Variants in RNF24 observed in about 807,000 individuals in gnomAD.
RNF24 encodes the protein ring finger protein 24.
RNF24 carries 14 observed loss-of-function variants against 20.0 expected under a neutral mutation model. The observed-to-expected ratio is 0.70, with a 90% CI of 0.46 to 1.10. RNF24 has a LOEUF of 1.10. Ranked by LOEUF, RNF24 falls within the 50% of genes least tolerant of loss-of-function variation. The pLI is 0.00. For missense variants in RNF24, 124 were observed against 177.6 expected (o/e 0.70, Z 1.71); for synonymous variants, 45 against 61.1 (o/e 0.74, Z 1.23).
In RNF24 at chr20:3,934,070, A is replaced by G. The variant is rs764778820; in HGVS notation, c.440T>C (p.Ile147Thr). 5.3e-6 allele frequency: 8 copies of G among 1,496,448 alleles called. No individual in the cohort carries two copies. In the African/African-American group the frequency reaches 1.2e-4, roughly 22 times the overall value. The allele number at this position is 1,496,448 out of a possible 1,614,324, so 92.7% of individuals were successfully genotyped here. The change falls in exon 6 of 6, where the codon ATT becomes ACT. Residue 147 changes from isoleucine (I) to threonine (T), a missense_variant. Transcript: ENST00000358395. This position sits in a 1 kb window ranked among gnomAD's most constrained non-coding sequence, Gnocchi z 4.0. ...TCTGATCCTTGCGGTAAGCTATACA[A>G]TGTTCTCTGCCCCAGGAAGGGGCCC... ...PQGPLPGAEN[I>T]V
intron 4 of RNF24, among the ~76,000 whole-genome samples, chr20:3,938,073 C>A (rs1230150337): frequency 6.6e-6 from 1 of 152,144 alleles, no homozygotes; most frequent in African/African-American, 2.4e-5. Context: ...ACGTTCCTAC[C>A]AGCAGTACGT....
At chr20:3,998,975 G>C (rs1600712471) in intron 1 of RNF24, among the ~76,000 whole-genome samples, 1 of 151,902 alleles carries the variant, frequency 6.6e-6, no homozygotes, top group Non-Finnish European at 1.5e-5. Flanking sequence ...AGCTACTCAG[G>C]AGGCTGAGGC....
At chr20:3,989,639 C>T (rs906209560) in intron 1 of RNF24, among the ~76,000 whole-genome samples, 6 of 152,090 alleles carry the variant, frequency 3.9e-5, no homozygotes, top group African/African-American at 1.4e-4. Context: ...CTGTATTTTC[C>T]TGCTGTTTTG....
intron 2 of RNF24, among the ~76,000 whole-genome samples, chr20:3,953,026 G>C (rs1325724310): frequency 6.6e-6 from 1 of 152,152 alleles, no homozygotes; most frequent in African/African-American, 2.4e-5. Context: ...AATGAGCTGA[G>C]AAGTATTTGT....
At position 3,980,990 on chromosome 20, in the gene RNF24, G is replaced by A. The variant is rs62210559; in HGVS notation, c.-7-16966C>T. Among the ~76,000 whole-genome samples the A allele has an allele frequency of 6.4e-3, 976 of 151,602 alleles. 9 individuals are homozygous for A. Among genetic ancestry groups the A allele is most frequent in the Middle Eastern group, 0.02 (6 of 294 alleles). ...GTTGGGGGGGGCAGGGGGAGGGGGC[G>A]GCCCTGAATGCTTATGGGTTACAGT... is the stretch of plus-strand genomic sequence containing the variant. On this transcript the variant is annotated intron_variant, in intron 1 of 5. Transcript: ENST00000358395.
chr20:3,963,393 A>G (rs1317183521), intron 2 of RNF24, among the ~76,000 whole-genome samples: 1 of 152,100 alleles, frequency 6.6e-6, no homozygotes, highest in Non-Finnish European at 1.5e-5. Context: ...GAGTTCCACC[A>G]TGTTGGCCAG....
At chr20:4,002,769 T>C (rs868445998) in intron 1 of RNF24, among the ~76,000 whole-genome samples, 1 of 152,140 alleles carries the variant, frequency 6.6e-6, no homozygotes, top group African/African-American at 2.4e-5. Flanking sequence ...GTAGATAAAA[T>C]ACAGTTTTTA....
chr20:3,972,865 T>A (rs1241001895), intron 1 of RNF24, among the ~76,000 whole-genome samples: 1 of 151,216 alleles, frequency 6.6e-6, no homozygotes, highest in Non-Finnish European at 1.5e-5. Flanking sequence ...ATCGCGCCAC[T>A]GCACTCCAAC....
intron 1 of RNF24, among the ~76,000 whole-genome samples, chr20:4,010,777 G>A (rs1008628253): frequency 1.3e-5 from 2 of 152,210 alleles, no homozygotes; most frequent in Non-Finnish European, 2.9e-5. Flanking sequence ...GTGGTCACAA[G>A]GAAAATGGGA....
chr20:3,974,359 T>C, intron 1 of RNF24: 1 of 1,550,666 alleles, frequency 6.4e-7, no homozygotes, highest in Admixed American at 2.0e-5. Context: ...CAAGGCAGGA[T>C]ATCTGCTCTC....
chr20:4,003,853 A>G (rs935801943), intron 1 of RNF24, among the ~76,000 whole-genome samples: 13 of 151,950 alleles, frequency 8.6e-5, no homozygotes, highest in Admixed American at 7.9e-4. Flanking sequence ...CATGTTGGAC[A>G]GGCTGGTCTC....
chr20:3,961,828 G>GAA (rs573515797), intron 2 of RNF24, among the ~76,000 whole-genome samples: 1 of 148,438 alleles, frequency 6.7e-6, no homozygotes, highest in Non-Finnish European at 1.5e-5. Flanking sequence ...TAGTAAGTCT[G>GAA]AAAAAAAAAC....
At chr20:4,007,291 G>T (rs180787922) in intron 1 of RNF24, among the ~76,000 whole-genome samples, 1 of 152,148 alleles carries the variant, frequency 6.6e-6, no homozygotes, top group South Asian at 2.1e-4. Flanking sequence ...ATCCCTTAGG[G>T]TTAGAAGTAC....
chr20:3,999,133 T>C lies in RNF24; in HGVS notation c.-8+16304A>G, dbSNP rs1381479801. Among the ~76,000 whole-genome samples, 4 of 152,152 alleles carry C rather than the reference T, an allele frequency of 2.6e-5. No individual in the cohort carries two copies. In the South Asian group the frequency reaches 6.2e-4, roughly 24 times the overall value. The stretch of plus-strand genomic sequence containing the variant: ...ATGTAGCATGTAACCATAGATATCA[T>C]ATAAGAATGTCTGAGTTATGCAGGA... On this transcript the variant is annotated intron_variant, in intron 1 of 5. Coordinates refer to ENST00000358395, the MANE Select transcript of RNF24 (RefSeq NM_001134337.3).
chr20:3,963,746 G>A (rs2146989123), intron 2 of RNF24, 129 bp downstream of exon 2: 6 of 653,544 alleles, frequency 9.2e-6, no homozygotes, highest in South Asian at 8.4e-5. Context: ...AGATTAAAAC[G>A]GTAAGCCATC....
intron 4 of RNF24, among the ~76,000 whole-genome samples, chr20:3,943,318 G>A (rs879303944): frequency 8.9e-6 from 1 of 112,954 alleles, no homozygotes; most frequent in South Asian, 2.7e-4. Context: ...TTTTTTTTTT[G>A]TGGATACAGA....
chr20:3,963,994 G>C lies in RNF24; in HGVS notation c.24C>G (p.Tyr8Ter). The change falls in exon 2 of 6, where the codon TAC becomes TAG. Residue 8 changes from tyrosine to a stop codon, truncating the protein, a stop_gained. Transcript: ENST00000358395. LOFTEE classifies it high-confidence loss of function. ...ATCCAATATTAGGCATCCTGAAGTT[G>C]TAATGTGGGAAATCCGAGCTCATGG... is the stretch of plus-strand genomic sequence containing the variant. MSSDFPH[Y>*]NFRMPNIGFQ... 1 of 1,613,600 alleles carries C rather than the reference G, an allele frequency of 6.2e-7. No homozygotes were observed.
At chr20:3,970,105 T>C (rs2091299504) in intron 1 of RNF24, among the ~76,000 whole-genome samples, 1 of 152,058 alleles carries the variant, frequency 6.6e-6, no homozygotes, top group Admixed American at 6.6e-5. Context: ...TCCTCCTCAA[T>C]GGGGTGATGA....
rs930556514 is a variant in RNF24, at chr20:3,931,786, T to TGAGTGCA, written c.*2270_*2276dup. On this transcript the variant is annotated 3_prime_UTR_variant, in exon 6 of 6. Transcript: ENST00000358395. ...GGGCAAAGCAGACCCAAGGTGGTGCTGAGTGCAGAGTGCAGAGCATTCTTG... is the reference window on the plus strand; with the variant it reads ...GGGCAAAGCAGACCCAAGGTGGTGCTGAGTGCAGAGTGCAGAGTGCAGAGCATTCTTG... The TGAGTGCA allele has an allele frequency of 6.6e-6, 1 of 152,272 alleles. No individual in the cohort carries two copies. The highest frequency in any genetic ancestry group is 2.4e-5 in the African/African-American group (1 of 41,468). 9.4% of individuals were successfully genotyped at this position (152,272 alleles called of 1,614,324 possible). A position where few individuals can be genotyped will look rare whatever the true frequency, so the allele number is the denominator to read the frequency against.
Sources: allele counts gnomAD v4.1 joint callset (sites outside exome capture counted in the v4.1 genomes callset), GRCh38; gene constraint gnomAD v4.1.1; non-coding constraint Gnocchi (gnomAD v3.1); transcripts MANE v1.5; gene names NCBI Gene and HGNC (gene_info 2026-07-23, HGNC 2026-07-21).